The following ITPR2 variants were observed in gnomAD, a reference collection of about 807,000 sequenced individuals.
ITPR2 encodes the protein inositol 1,4,5-trisphosphate receptor type 2.
ITPR2 carries 207 observed loss-of-function variants against 317.1 expected under a neutral mutation model. The observed-to-expected ratio is 0.65, with a 90% CI of 0.58 to 0.73. The LOEUF is 0.73. Ranked by LOEUF, ITPR2 falls within the 30% of genes least tolerant of loss-of-function variation. The pLI, the probability that ITPR2 is intolerant of heterozygous loss-of-function variation, is 0.00. For missense variants in ITPR2, 2,613 were observed against 3,284.0 expected, an observed-to-expected ratio of 0.80 and a Z score of 4.99; for synonymous variants, 1,156 against 1,149.1, an observed-to-expected ratio of 1.01 and a Z score of -0.12.
At chr12:26,397,942 G>T (rs1940049295) in intron 54 of ITPR2, among the ~76,000 whole-genome samples, 1 of 152,012 alleles carries the variant, frequency 6.6e-6, no homozygotes, top group African/African-American at 2.4e-5. Flanking sequence ...AAGCCAGAAA[G>T]AGGTGATGGG....
At chr12:26,519,898 A>G (rs1425296011) in intron 37 of ITPR2, among the ~76,000 whole-genome samples, 1 of 152,256 alleles carries the variant, frequency 6.6e-6, no homozygotes, top group East Asian at 1.9e-4. Flanking sequence ...TAGTGGTATG[A>G]TAAGTGATAT....
intron 45 of ITPR2, among the ~76,000 whole-genome samples, chr12:26,461,740 G>T (rs1942036455): frequency 6.9e-6 from 1 of 145,296 alleles, no homozygotes; most frequent in Non-Finnish European, 1.5e-5. Context: ...TTACATATAT[G>T]TGTATAGGGA....
At chr12:26,536,599 T>C (rs1283494864) in intron 37 of ITPR2, among the ~76,000 whole-genome samples, 1 of 152,164 alleles carries the variant, frequency 6.6e-6, no homozygotes, top group Non-Finnish European at 1.5e-5. Flanking sequence ...TTAGCAATCA[T>C]GGAGTAGCAG....
At chr12:26,361,564 C>T (rs1460559649) in intron 55 of ITPR2, among the ~76,000 whole-genome samples, 1 of 152,074 alleles carries the variant, frequency 6.6e-6, no homozygotes, top group Non-Finnish European at 1.5e-5. Context: ...TAAAGGTAAC[C>T]TAATTATTTT....
At chr12:26,777,825 T>G (rs1950002853) in intron 2 of ITPR2, among the ~76,000 whole-genome samples, 3 of 152,306 alleles carry the variant, frequency 2.0e-5, no homozygotes, top group South Asian at 4.1e-4. Flanking sequence ...CAATTTATAC[T>G]GTTAATCTTT....
chr12:26,706,513 C>G (rs930918941), intron 9 of ITPR2, among the ~76,000 whole-genome samples: 3 of 152,170 alleles, frequency 2.0e-5, no homozygotes, highest in Non-Finnish European at 4.4e-5. Context: ...GCTGCCCTCA[C>G]TGTCTGAACG....
chr12:26,701,570 G>A (rs1341186713), intron 9 of ITPR2, among the ~76,000 whole-genome samples: 1 of 152,070 alleles, frequency 6.6e-6, no homozygotes, highest in Non-Finnish European at 1.5e-5. Context: ...ATAGGGTCTG[G>A]TCTGTATGTT....
At chr12:26,539,743 C>A (rs1304139209) in intron 37 of ITPR2, among the ~76,000 whole-genome samples, 1 of 152,248 alleles carries the variant, frequency 6.6e-6, no homozygotes, top group African/African-American at 2.4e-5. Flanking sequence ...TCTTCCTCAG[C>A]CCTCTATGCT....
chr12:26,602,412 C>A lies in ITPR2; in HGVS notation c.3636G>T (p.Ala1212=). The A allele has an allele frequency of 2.5e-6, 4 of 1,613,588 alleles. No homozygotes were observed. The highest frequency in any genetic ancestry group is 3.4e-6 in the Non-Finnish European group (4 of 1,179,632). Residue 1212 remains alanine, a synonymous_variant, in exon 28 of 57, where the codon GCG becomes GCT. Coordinates refer to ENST00000381340, the MANE Select transcript of ITPR2 (RefSeq NM_002223.4). ...GCAGAAGATCCAACACCACCGAATG[C>A]GCCCCCATATTTTTCAGTAATCGTT... ...QHQRLLKNMG[A]HSVVLDLLQI... is the part of the protein sequence containing the mutation.
At chr12:26,450,498 C>A (rs138714433) in intron 45 of ITPR2, among the ~76,000 whole-genome samples, 3 of 152,050 alleles carry the variant, frequency 2.0e-5, no homozygotes, top group African/African-American at 7.2e-5. Flanking sequence ...AATACTGATG[C>A]CAGAATTACT....
At chr12:26,364,320 A>C (rs1938936216) in intron 55 of ITPR2, among the ~76,000 whole-genome samples, 1 of 152,230 alleles carries the variant, frequency 6.6e-6, no homozygotes, top group South Asian at 2.1e-4. Context: ...TCATGAAGGT[A>C]GGGATTTTTA....
At chr12:26,408,963 T>C (rs1940450074) in intron 52 of ITPR2, among the ~76,000 whole-genome samples, 1 of 152,160 alleles carries the variant, frequency 6.6e-6, no homozygotes, top group Non-Finnish European at 1.5e-5. Context: ...ATGACAATAA[T>C]CTGAACTTTG....
In ITPR2 at chr12:26,659,095, G is replaced by A. The variant is rs181202781; in HGVS notation, c.1886+18C>T. ...GCAATCTCCACTAGAAAAGAATACC[G>A]CATGAATCATTTCAAACCTTGGCTC... is the stretch of plus-strand genomic sequence containing the variant. On this transcript the variant is annotated intron_variant, in intron 16 of 56. Transcript: ENST00000381340. 3.1e-5 allele frequency: 49 copies of A among 1,593,096 alleles called. No individual in the cohort carries two copies. The East Asian group carries it at 7.2e-4, about 23-fold the overall frequency.
At chr12:26,502,207 C>T (rs534305526) in intron 37 of ITPR2, among the ~76,000 whole-genome samples, 2 of 152,342 alleles carry the variant, frequency 1.3e-5, no homozygotes, top group South Asian at 4.1e-4. Context: ...CCTTCTACCT[C>T]AACCATTTTA....
intron 21 of ITPR2, chr12:26,648,714 A>G (rs557532149): frequency 6.6e-6 from 1 of 152,244 alleles, no homozygotes; most frequent in East Asian, 1.9e-4. Flanking sequence ...GACTCCTAAC[A>G]GTTGATCTTT....
intron 32 of ITPR2, among the ~76,000 whole-genome samples, chr12:26,581,602 G>C (rs1006424238): frequency 6.6e-6 from 1 of 152,092 alleles, no homozygotes; most frequent in African/African-American, 2.4e-5. Context: ...ATGAAAGAGG[G>C]ATTAAGGACT....
chr12:26,388,614 C>A (rs1053265029), intron 54 of ITPR2, among the ~76,000 whole-genome samples: 1 of 151,882 alleles, frequency 6.6e-6, no homozygotes, highest in Non-Finnish European at 1.5e-5. Context: ...CCACCATGCC[C>A]GGCTAATTTT....
rs796334245 is a variant in ITPR2, at chr12:26,589,833, CATAT to C, written c.4380+5628_4380+5631del. Among the ~76,000 whole-genome samples, 35 of 32,894 alleles carry C rather than the reference CATAT, an allele frequency of 1.1e-3. 1 individual carries two copies. The highest frequency in any genetic ancestry group is 3.2e-3 in the African/African-American group (34 of 10,614). 21.6% of individuals were successfully genotyped at this position (32,894 alleles called of 152,430 possible). On this transcript the variant is annotated intron_variant, in intron 32 of 56. Transcript: ENST00000381340. ...AAAAATAAATAAATAAATAAATAAA[CATAT>C]ATATATATATATATATACACACACA...
At chr12:26,454,708 G>C (rs1400557581) in intron 45 of ITPR2, among the ~76,000 whole-genome samples, 3 of 151,692 alleles carry the variant, frequency 2.0e-5, no homozygotes, top group African/African-American at 4.8e-5. Context: ...GGAAAACTTA[G>C]AGAGCTCTTG....
Sources: gnomAD v4.1 joint callset for allele counts (sites outside exome capture counted in the v4.1 genomes callset) on GRCh38, gnomAD v4.1.1 for gene constraint, MANE v1.5 for transcripts, NCBI Gene and HGNC (gene_info 2026-07-23, HGNC 2026-07-21) for gene names.